CSMD1: variants seen among roughly 807,000 people sequenced by gnomAD.
CSMD1 encodes the protein CUB and Sushi multiple domains 1.
CSMD1 carries 213 observed loss-of-function variants against 417.5 expected under a neutral mutation model. That is an observed-to-expected ratio of 0.51 (90% CI 0.46 to 0.57). The LOEUF (loss-of-function observed/expected upper bound fraction) is 0.57, where lower values mean the gene tolerates loss of function less well. Among genes scored for constraint, CSMD1 ranks in the 20% least tolerant of loss-of-function variants. CSMD1 has a pLI of 0.00. For synonymous variants in CSMD1, 2,862 were observed against 1,736.8 expected (o/e 1.65, Z -16.11); for missense variants, 6,923 against 4,529.7 (o/e 1.53, Z -15.17).
At chr8:3,272,245 A>T (rs1397176329) in intron 26 of CSMD1, among the ~76,000 whole-genome samples, 1 of 144,484 alleles carries the variant, frequency 6.9e-6, no homozygotes, top group Admixed American at 7.0e-5. Flanking sequence ...AGTTGTAGAT[A>T]TGCGGCGTTA....
intron 2 of CSMD1, among the ~76,000 whole-genome samples, chr8:4,444,538 T>C (rs1390292643): frequency 1.3e-5 from 2 of 151,920 alleles, no homozygotes; most frequent in Non-Finnish European, 2.9e-5. Context: ...AGAACAATAA[T>C]GTCCATCTTT....
intron 2 of CSMD1, among the ~76,000 whole-genome samples, chr8:4,476,243 G>C (rs1261905952): frequency 6.6e-6 from 1 of 152,010 alleles, no homozygotes; most frequent in Non-Finnish European, 1.5e-5. Flanking sequence ...AGATATGCTA[G>C]AAGATATTAT....
chr8:2,951,248 G>C lies in CSMD1; in HGVS notation c.10067C>G (p.Ser3356Ter), dbSNP rs1217118006. The change falls in exon 66 of 70, where the codon TCA becomes TGA. Residue 3356 changes from serine to a stop codon, truncating the protein, a stop_gained. Transcript: ENST00000635120. LOFTEE classifies it high-confidence loss of function. Reference sequence around the variant, plus strand: ...ATATTCATAATACCCCTTCCACAGTGAATTGACGAAAAAGACATCTGAAGG... The same window carrying C: ...ATATTCATAATACCCCTTCCACAGTCAATTGACGAAAAAGACATCTGAAGG... ...PVPSDVFFVNSLWKGYYEYLG... is the reference protein window; with the variant it reads ...PVPSDVFFVN The C allele has an allele frequency of 1.2e-6, 2 of 1,605,766 alleles. No individual in the cohort carries two copies. Among genetic ancestry groups the C allele is most frequent in the South Asian group, 2.2e-5 (2 of 89,726 alleles).
intron 5 of CSMD1, among the ~76,000 whole-genome samples, chr8:3,846,726 T>C (rs1230182220): frequency 1.3e-5 from 2 of 152,248 alleles, no homozygotes; most frequent in South Asian, 2.1e-4. Flanking sequence ...GGTGCAACCT[T>C]GACTCACTGC....
At chr8:3,736,323 C>G (rs960434265) in intron 6 of CSMD1, among the ~76,000 whole-genome samples, 2 of 151,996 alleles carry the variant, frequency 1.3e-5, no homozygotes, top group African/African-American at 4.8e-5. Flanking sequence ...CTCACTGCAG[C>G]CTCCACCTCC....
intron 5 of CSMD1, among the ~76,000 whole-genome samples, chr8:3,884,899 T>TA (rs1806451362): frequency 6.7e-6 from 1 of 148,726 alleles, no homozygotes. Flanking sequence ...ACTTTTATAT[T>TA]AAAGGCCTTC....
intron 3 of CSMD1, among the ~76,000 whole-genome samples, chr8:4,243,852 C>G (rs888490708): frequency 1.3e-5 from 2 of 152,130 alleles, no homozygotes; most frequent in African/African-American, 4.8e-5. Context: ...AGAGTAGGGA[C>G]TGTGTTATTG....
chr8:4,501,448 T>C (rs1232970539), intron 2 of CSMD1, among the ~76,000 whole-genome samples: 1 of 152,278 alleles, frequency 6.6e-6, no homozygotes, highest in East Asian at 1.9e-4. Context: ...AGGTGGATAT[T>C]TCAAGAATAC....
At position 4,370,223 on chromosome 8, in the gene CSMD1, A is replaced by C. The variant is rs1802320020; in HGVS notation, c.415+49730T>G. Among the ~76,000 whole-genome samples the C allele has an allele frequency of 2.0e-5, 3 of 151,864 alleles. No individual in the cohort carries two copies. In the South Asian group the frequency reaches 6.2e-4, roughly 31 times the overall value. ...ATGAAGGTTAGTTTGGTGAGATACG[A>C]AATTCTTGTTTGGAATTACTTTTTA... On this transcript the variant is annotated intron_variant, in intron 3 of 69. Coordinates refer to ENST00000635120, the MANE Select transcript of CSMD1 (RefSeq NM_033225.6).
intron 11 of CSMD1, among the ~76,000 whole-genome samples, chr8:3,475,958 T>C (rs1046230737): frequency 2.6e-5 from 4 of 152,238 alleles, no homozygotes; most frequent in Admixed American, 6.5e-5. Flanking sequence ...GTCATTTTAC[T>C]GTGTAGACAA....
intron 37 of CSMD1, among the ~76,000 whole-genome samples, chr8:3,172,969 A>C (rs1820677100): frequency 6.6e-6 from 1 of 152,208 alleles, no homozygotes; most frequent in Admixed American, 6.5e-5. Flanking sequence ...GAAATAACTG[A>C]GGTAATCCTA....
At position 2,961,287 on chromosome 8, in the gene CSMD1, A is replaced by G. The variant is rs867835035; in HGVS notation, c.9629-73T>C. ...TGTGAGAATTTTAACAGCTTTCACT[A>G]AAAGGTCTCATGAAATAGAGAAAAT... is the stretch of plus-strand genomic sequence containing the variant. On this transcript the variant is annotated intron_variant, in intron 61 of 69. Coordinates refer to ENST00000635120, the MANE Select transcript of CSMD1 (RefSeq NM_033225.6). The G allele has an allele frequency of 5.9e-6, 5 of 849,058 alleles. No individual in the cohort carries two copies. The Middle Eastern group carries it at 1.1e-3, about 195-fold the overall frequency. 52.6% of individuals were successfully genotyped at this position (849,058 alleles called of 1,614,324 possible). A position where few individuals can be genotyped will look rare whatever the true frequency, so the allele number is the denominator to read the frequency against.
chr8:3,959,996 T>C (rs541025111), intron 5 of CSMD1, among the ~76,000 whole-genome samples: 15 of 152,306 alleles, frequency 9.8e-5, no homozygotes, highest in African/African-American at 3.4e-4. Flanking sequence ...TTAATCACAG[T>C]ATGTGCGTGA....
chr8:3,282,975 G>A (rs759607467), intron 26 of CSMD1, among the ~76,000 whole-genome samples: 14 of 152,074 alleles, frequency 9.2e-5, no homozygotes, highest in African/African-American at 1.7e-4. Context: ...TCTCCACGGT[G>A]CCATCCGAAG....
Position 2,965,933 on chromosome 8 carries a change from C to A in CSMD1, c.9122G>T (p.Gly3041Val). The change falls in exon 59 of 70, where the codon GGC becomes GTC. Residue 3041 changes from glycine to valine, a missense_variant. Gly to Val is a moderately radical substitution (Grantham distance 109). Transcript: ENST00000635120. The stretch of plus-strand genomic sequence containing the variant: ...AAACTGGATGCCATTTGCTAGTGTG[C>A]CTGGATCCCCACAACTTATAACTAA... ...DCTIISCGDP[G>V]TLANGIQFGT... 1 of 1,607,332 alleles carries A rather than the reference C, an allele frequency of 6.2e-7. No individual in the cohort carries two copies. Among genetic ancestry groups the A allele is most frequent in the East Asian group, 2.2e-5 (1 of 44,672 alleles).
At chr8:2,992,013 T>C (rs762193603) in intron 54 of CSMD1, among the ~76,000 whole-genome samples, 9 of 152,212 alleles carry the variant, frequency 5.9e-5, no homozygotes, top group Non-Finnish European at 1.2e-4. Context: ...AAATATTCCA[T>C]ATGAGAAACA....
intron 2 of CSMD1, among the ~76,000 whole-genome samples, chr8:4,504,042 T>C (rs1213286592): frequency 6.6e-6 from 1 of 151,724 alleles, no homozygotes; most frequent in African/African-American, 2.4e-5. Flanking sequence ...TGTTCATTGC[T>C]GTGTAATTCA....
At position 4,132,680 on chromosome 8, in the gene CSMD1, C is replaced by G. The variant is rs529411921; in HGVS notation, c.416-100581G>C. On this transcript the variant is annotated intron_variant, in intron 3 of 69. Transcript: ENST00000635120. ...ACAACTCATGACAAACCTGATGAGC[C>G]TCGCAACTCAATGTGGGGCTTCCAC... Among the ~76,000 whole-genome samples, 365 of 152,188 alleles carry G rather than the reference C, an allele frequency of 2.4e-3. 3 individuals are homozygous for G. The highest frequency in any genetic ancestry group is 8.3e-3 in the African/African-American group (346 of 41,518).
intron 3 of CSMD1, among the ~76,000 whole-genome samples, chr8:4,198,622 G>A (rs970702550): frequency 2.0e-5 from 3 of 152,066 alleles, no homozygotes; most frequent in African/African-American, 7.2e-5. Flanking sequence ...TAAGCATATA[G>A]ATCGATGGAT....
Sources: gnomAD v4.1 joint callset for allele counts (sites outside exome capture counted in the v4.1 genomes callset) on GRCh38, gnomAD v4.1.1 for gene constraint, MANE v1.5 for transcripts, NCBI Gene and HGNC (gene_info 2026-07-23, HGNC 2026-07-21) for gene names.